The following UTRN variants were observed in gnomAD, a reference collection of about 807,000 sequenced individuals.
UTRN encodes dystrophin-related protein 1.
UTRN carries 283 observed loss-of-function variants against 463.9 expected under a neutral mutation model. The observed-to-expected ratio is 0.61, with a 90% CI of 0.55 to 0.67. UTRN has a LOEUF of 0.67. UTRN is among the 30% of genes least tolerant of loss of function. The probability of loss-of-function intolerance (pLI) is 0.00; values close to 1 mark genes in which losing one functional copy is unlikely to be tolerated. For missense variants in UTRN, 3,922 were observed against 4,084.3 expected (o/e 0.96, Z 1.08); for synonymous variants, 1,442 against 1,431.5 (o/e 1.01, Z -0.17).
rs558218409 is a variant in UTRN at position 144,747,255 on chromosome 6, A to C, written c.7940-991A>C. On this transcript the variant is annotated intron_variant, in intron 54 of 74. Coordinates refer to ENST00000367545, the MANE Select transcript of UTRN (RefSeq NM_007124.3). ...TCAAATTAATGTACAGTTTATGTCA[A>C]TTGCACTGCCTCTTTATTTGCAGTG... is the stretch of plus-strand genomic sequence containing the variant. Among the ~76,000 whole-genome samples, 8 of 152,354 alleles carry C rather than the reference A, an allele frequency of 5.3e-5. 1 individual carries two copies. In the East Asian group the frequency reaches 1.5e-3, roughly 29 times the overall value.
At chr6:144,614,562 T>A (rs1029539890) in intron 51 of UTRN, among the ~76,000 whole-genome samples, 1 of 152,176 alleles carries the variant, frequency 6.6e-6, no homozygotes, top group African/African-American at 2.4e-5. Flanking sequence ...ATCACATTCT[T>A]CAAGCAAAGT....
chr6:144,355,628 G>A (rs182567424), intron 2 of UTRN, among the ~76,000 whole-genome samples: 30 of 151,918 alleles, frequency 2.0e-4, no homozygotes, highest in Admixed American at 5.2e-4. Context: ...TATTTTTGCC[G>A]TTTTGAAATA....
intron 19 of UTRN, among the ~76,000 whole-genome samples, chr6:144,456,653 AAATAATAATAATAAT>A (rs57694055): frequency 4.3e-4 from 60 of 140,588 alleles, no homozygotes; most frequent in East Asian, 1.4e-3. Flanking sequence ...CTCTGTCTCA[AAATAATAATAATAAT>A]AATAATAATA....
chr6:144,395,705 T>A (rs1782343676), intron 2 of UTRN, among the ~76,000 whole-genome samples: 1 of 152,154 alleles, frequency 6.6e-6, no homozygotes, highest in Non-Finnish European at 1.5e-5. Context: ...GGATTAAATG[T>A]GAAAAAGCAA....
At chr6:144,692,821 A>AT (rs745807665) in intron 52 of UTRN, among the ~76,000 whole-genome samples, 1 of 152,038 alleles carries the variant, frequency 6.6e-6, no homozygotes, top group Non-Finnish European at 1.5e-5. Flanking sequence ...GTTTGCAACA[A>AT]TTTTTTCCCA....
intron 52 of UTRN, among the ~76,000 whole-genome samples, chr6:144,685,626 G>A (rs1408653584): frequency 6.6e-6 from 1 of 152,064 alleles, no homozygotes; most frequent in East Asian, 1.9e-4. Flanking sequence ...GATATTGAGT[G>A]TTTCTTCATA....
chr6:144,385,260 G>C (rs1781310381), intron 2 of UTRN, among the ~76,000 whole-genome samples: 1 of 152,134 alleles, frequency 6.6e-6, no homozygotes, highest in Non-Finnish European at 1.5e-5. Flanking sequence ...AAGCCATGTT[G>C]ACTGTGCACA....
At chr6:144,372,860 A>G (rs1019816227) in intron 2 of UTRN, among the ~76,000 whole-genome samples, 1 of 152,184 alleles carries the variant, frequency 6.6e-6, no homozygotes, top group Admixed American at 6.5e-5. Flanking sequence ...GAGCAAAGGA[A>G]TAGATATTTC....
intron 60 of UTRN, among the ~76,000 whole-genome samples, chr6:144,778,611 A>C (rs1009045253): frequency 2.0e-5 from 3 of 151,156 alleles, no homozygotes; most frequent in Admixed American, 6.6e-5. Flanking sequence ...AATGCTAATA[A>C]TAATAATAAT....
chr6:144,521,434 G>C (rs942618507), intron 39 of UTRN, among the ~76,000 whole-genome samples: 3 of 152,054 alleles, frequency 2.0e-5, no homozygotes, highest in African/African-American at 7.2e-5. Context: ...GGATATTCCT[G>C]CTCTATAATA....
At chr6:144,451,317 G>A in intron 17 of UTRN, 53 bp from the exon 18 acceptor site, 4 of 1,574,474 alleles carry the variant, frequency 2.5e-6, no homozygotes, top group Non-Finnish European at 3.4e-6. Context: ...CTGGAGTCAA[G>A]TAAAACAGTA....
At chr6:144,485,065 C>T (rs918480421) in intron 27 of UTRN, among the ~76,000 whole-genome samples, 1 of 151,782 alleles carries the variant, frequency 6.6e-6, no homozygotes, top group African/African-American at 2.4e-5. Flanking sequence ...GCATCCGCCA[C>T]CACACCCGGC....
rs11963596 is a variant in UTRN, at chr6:144,547,819, T to C, written c.6596-821T>C. ...TTTGTCCTTTTCTCTTCAATATTAA[T>C]TTTATAACCAGAAATTTGAATTAAT... On this transcript the variant is annotated intron_variant, in intron 46 of 74. Transcript: ENST00000367545. 6.2e-3 allele frequency among the ~76,000 whole-genome samples: 947 copies of C among 152,334 alleles called. 8 individuals carry two copies. The highest frequency in any genetic ancestry group is 0.021 in the African/African-American group (888 of 41,588).
intron 2 of UTRN, among the ~76,000 whole-genome samples, chr6:144,395,820 G>A (rs893982555): frequency 6.6e-6 from 1 of 152,004 alleles, no homozygotes; most frequent in East Asian, 1.9e-4. Flanking sequence ...GGTAGTTTCT[G>A]TGTTTTCAAA....
intron 51 of UTRN, among the ~76,000 whole-genome samples, chr6:144,669,226 G>T (rs891351922): frequency 6.6e-6 from 1 of 152,102 alleles, no homozygotes; most frequent in East Asian, 1.9e-4. Flanking sequence ...TCTTAAATTT[G>T]TTAGATTTAT....
chr6:144,446,773 G>A (rs1397124722), intron 14 of UTRN, among the ~76,000 whole-genome samples: 1 of 152,218 alleles, frequency 6.6e-6, no homozygotes, highest in Non-Finnish European at 1.5e-5. Context: ...CCTGGACCCA[G>A]CTCTGCCATT....
chr6:144,535,546 A>G (rs1797453654), intron 43 of UTRN, among the ~76,000 whole-genome samples: 1 of 152,204 alleles, frequency 6.6e-6, no homozygotes, highest in African/African-American at 2.4e-5. Context: ...TGGAAGTGAA[A>G]AGAATAATGA....
chr6:144,537,250 A>G (rs1797621639), intron 43 of UTRN, among the ~76,000 whole-genome samples: 1 of 152,092 alleles, frequency 6.6e-6, no homozygotes, highest in Non-Finnish European at 1.5e-5. Context: ...TTCATGTTTT[A>G]AAAAATTTCC....
chr6:144,604,059 T>A (rs1562636515), intron 51 of UTRN, among the ~76,000 whole-genome samples: 4 of 152,212 alleles, frequency 2.6e-5, no homozygotes, highest in Admixed American at 2.0e-4. Context: ...CACTGGGCTT[T>A]AAAATTAGAT....
Sources: allele counts gnomAD v4.1 joint callset (sites outside exome capture counted in the v4.1 genomes callset), GRCh38; gene constraint gnomAD v4.1.1; transcripts MANE v1.5; gene names NCBI Gene and HGNC (gene_info 2026-07-23, HGNC 2026-07-21).